Variants in ESRRG observed in about 807,000 individuals in gnomAD.
The protein encoded by ESRRG is estrogen related receptor gamma.
In ESRRG, 13 loss-of-function variants were observed where a neutral mutation model predicts 44.0. The ratio of observed to expected loss-of-function variants is 0.30; its 90% CI spans 0.19 to 0.47. ESRRG has a LOEUF of 0.47. Among genes scored for constraint, ESRRG ranks in the 20% least tolerant of loss-of-function variants. The pLI is 1.00. For missense variants in ESRRG, 395 were observed against 580.6 expected (o/e 0.68, Z 3.29); for synonymous variants, 215 against 214.6 (o/e 1.00, Z -0.02).
At chr1:216,633,270 C>G (rs572790103) in intron 3 of ESRRG, among the ~76,000 whole-genome samples, 4 of 152,230 alleles carry the variant, frequency 2.6e-5, no homozygotes, top group African/African-American at 9.6e-5. Context: ...ATCGGAGGGC[C>G]TGCGGAGGAG....
chr1:216,701,143 G>T (rs868416735), intron 1 of ESRRG, among the ~76,000 whole-genome samples: 1 of 148,076 alleles, frequency 6.8e-6, no homozygotes, highest in Non-Finnish European at 1.5e-5. Flanking sequence ...TTTGGGGGGG[G>T]TATGAAATAT....
intron 2 of ESRRG, among the ~76,000 whole-genome samples, chr1:216,674,721 T>C (rs2151452290): frequency 6.6e-6 from 1 of 151,586 alleles, no homozygotes; most frequent in African/African-American, 2.4e-5. Context: ...GCAATCCTTC[T>C]GCCTCAACCT....
chr1:216,633,066 G>T (rs981949419), intron 3 of ESRRG, among the ~76,000 whole-genome samples: 11 of 152,148 alleles, frequency 7.2e-5, no homozygotes, highest in Admixed American at 6.5e-4. Flanking sequence ...GACTTTCATT[G>T]TCTCTGAAAG....
intron 2 of ESRRG, among the ~76,000 whole-genome samples, chr1:216,772,145 G>C (rs1295173505): frequency 6.6e-6 from 1 of 152,044 alleles, no homozygotes; most frequent in Non-Finnish European, 1.5e-5. Context: ...CTGAAGAATG[G>C]AGGCCCCATC....
intron 3 of ESRRG, among the ~76,000 whole-genome samples, chr1:216,632,655 G>A (rs777228592): frequency 6.6e-6 from 1 of 151,992 alleles, no homozygotes; most frequent in East Asian, 1.9e-4. Flanking sequence ...TTTTGTAAAG[G>A]TATGATTTAC....
intron 2 of ESRRG, among the ~76,000 whole-genome samples, chr1:216,803,370 C>G (rs1478971525): frequency 6.6e-6 from 1 of 152,090 alleles, no homozygotes; most frequent in East Asian, 1.9e-4. Context: ...AAAACAAAGG[C>G]TCAGTAGTGT....
At chr1:216,830,234 A>G (rs2095466372) in intron 2 of ESRRG, among the ~76,000 whole-genome samples, 1 of 152,158 alleles carries the variant, frequency 6.6e-6, no homozygotes, top group South Asian at 2.1e-4. Flanking sequence ...GGTGACAAAT[A>G]CGACTCAGCC....
chr1:216,742,040 C>T (rs975101797), intron 2 of ESRRG, among the ~76,000 whole-genome samples: 7 of 152,116 alleles, frequency 4.6e-5, no homozygotes, highest in African/African-American at 1.7e-4. Context: ...AATCAAGATT[C>T]TTTTAACCTG....
intron 2 of ESRRG, among the ~76,000 whole-genome samples, chr1:216,816,969 G>A (rs182547506): frequency 5.3e-5 from 8 of 151,826 alleles, no homozygotes; most frequent in Admixed American, 2.6e-4. Flanking sequence ...AACACTGACC[G>A]CCTTCTTTCA....
chr1:216,515,334 C>T (rs895690164), intron 6 of ESRRG, among the ~76,000 whole-genome samples: 10 of 151,882 alleles, frequency 6.6e-5, no homozygotes, highest in Non-Finnish European at 1.0e-4. Context: ...ACTATTTCAT[C>T]GGGGGGTTAT....
chr1:216,743,265 C>T (rs1021169520), intron 2 of ESRRG, among the ~76,000 whole-genome samples: 7 of 152,140 alleles, frequency 4.6e-5, no homozygotes, highest in African/African-American at 1.7e-4. Context: ...ATGAAAGTTA[C>T]AAAACAGGCA....
At chr1:216,541,671 T>G (rs113359291) in intron 5 of ESRRG, among the ~76,000 whole-genome samples, 1 of 151,322 alleles carries the variant, frequency 6.6e-6, no homozygotes, top group African/African-American at 2.4e-5. Context: ...AGAGAAGCTA[T>G]AATGACCAAA....
chr1:216,954,065 A>T (rs1015210937), intron 1 of ESRRG, among the ~76,000 whole-genome samples: 4 of 152,112 alleles, frequency 2.6e-5, no homozygotes, highest in Non-Finnish European at 5.9e-5. Context: ...TGTTAAAGAG[A>T]AGATAAATAT....
At chr1:216,643,583 T>C (rs890652183) in intron 3 of ESRRG, among the ~76,000 whole-genome samples, 1 of 152,168 alleles carries the variant, frequency 6.6e-6, no homozygotes, top group African/African-American at 2.4e-5. Context: ...TCCTCAACCT[T>C]ACCATTTGAC....
chr1:216,658,636 CA>C, intron 2 of ESRRG, among the ~76,000 whole-genome samples: 1 of 138,014 alleles, frequency 7.2e-6, no homozygotes, highest in South Asian at 2.3e-4. Flanking sequence ...GCCTGGCCAA[CA>C]TGGCGAAACC....
At chr1:216,937,669 C>T (rs1379410799) in intron 2 of ESRRG, among the ~76,000 whole-genome samples, 1 of 152,142 alleles carries the variant, frequency 6.6e-6, no homozygotes, top group Admixed American at 6.5e-5. Context: ...CCTCAGCACC[C>T]ATCAAGTCTC....
At chr1:216,692,470 T>C (rs1272209429) in intron 1 of ESRRG, among the ~76,000 whole-genome samples, 1 of 152,164 alleles carries the variant, frequency 6.6e-6, no homozygotes, top group Non-Finnish European at 1.5e-5. Flanking sequence ...AAGCTAAGTG[T>C]TATGATAAAA....
At chr1:216,665,858 A>G (rs759444109) in intron 2 of ESRRG, among the ~76,000 whole-genome samples, 3 of 152,202 alleles carry the variant, frequency 2.0e-5, no homozygotes, top group Admixed American at 1.3e-4. Context: ...AGGCCGTCAC[A>G]TCACTGAAGT....
chr1:216,780,825 T>C (rs1230008125), intron 2 of ESRRG, among the ~76,000 whole-genome samples: 1 of 152,014 alleles, frequency 6.6e-6, no homozygotes, highest in African/African-American at 2.4e-5. Flanking sequence ...GTGCCTTATG[T>C]CCTCTCTGAT....
Sources: gnomAD v4.1 joint callset for allele counts (sites outside exome capture counted in the v4.1 genomes callset) on GRCh38, gnomAD v4.1.1 for gene constraint, MANE v1.5 for transcripts, NCBI Gene and HGNC (gene_info 2026-07-23, HGNC 2026-07-21) for gene names.